The following EFCAB6 variants were observed in gnomAD, a reference collection of about 807,000 sequenced individuals.
EFCAB6 encodes EF-hand calcium binding domain 6.
In EFCAB6, 156 loss-of-function variants were observed where a neutral mutation model predicts 169.8. The observed-to-expected ratio is 0.92, with a 90% CI of 0.81 to 1.05. EFCAB6 has a LOEUF of 1.05. EFCAB6 is among the 50% of genes least tolerant of loss of function. The probability of loss-of-function intolerance (pLI) is 0.00; values close to 1 mark genes in which losing one functional copy is unlikely to be tolerated. For missense variants in EFCAB6, 1,800 were observed against 1,829.1 expected (o/e 0.98, Z 0.29); for synonymous variants, 698 against 676.4 (o/e 1.03, Z -0.50).
chr22:43,593,590 C>T (rs1376593858), intron 23 of EFCAB6, among the ~76,000 whole-genome samples: 15 of 152,208 alleles, frequency 9.9e-5, no homozygotes, highest in Admixed American at 9.8e-4. Flanking sequence ...CAATTCTCTG[C>T]TTTCAGGCTT....
chr22:43,566,170 G>C (rs2147166753), intron 26 of EFCAB6, among the ~76,000 whole-genome samples: 1 of 152,324 alleles, frequency 6.6e-6, no homozygotes, highest in African/African-American at 2.4e-5. Flanking sequence ...GGTGCATCAG[G>C]AGGTCAGGCC....
chr22:43,662,276 C>G (rs983516189), intron 17 of EFCAB6, among the ~76,000 whole-genome samples: 2 of 151,972 alleles, frequency 1.3e-5, no homozygotes, highest in Non-Finnish European at 2.9e-5. Context: ...AGCAACAATG[C>G]AGGGACTTGG....
chr22:43,737,237 T>A (rs1047472415), intron 6 of EFCAB6, among the ~76,000 whole-genome samples: 4 of 151,984 alleles, frequency 2.6e-5, no homozygotes, highest in African/African-American at 9.7e-5. Context: ...TGCGTGGTAA[T>A]CCCTCTTTAC....
chr22:43,719,154 T>C (rs1051760847), intron 8 of EFCAB6, among the ~76,000 whole-genome samples: 1 of 152,238 alleles, frequency 6.6e-6, no homozygotes, highest in African/African-American at 2.4e-5. Context: ...ACACGCCCTG[T>C]GGCTGCTCTC....
chr22:43,770,626 C>T (rs1447187737), intron 4 of EFCAB6, among the ~76,000 whole-genome samples: 2 of 152,064 alleles, frequency 1.3e-5, no homozygotes, highest in Non-Finnish European at 2.9e-5. Context: ...ATGGGGCTAA[C>T]AGCAGAATGA....
At chr22:43,695,967 G>T (rs1000736496) in intron 10 of EFCAB6, among the ~76,000 whole-genome samples, 2 of 152,000 alleles carry the variant, frequency 1.3e-5, no homozygotes, top group Non-Finnish European at 2.9e-5. Flanking sequence ...TAAATGGACT[G>T]TCTCAAAATT....
chr22:43,568,324 T>C (rs1309374945), intron 26 of EFCAB6, among the ~76,000 whole-genome samples: 1 of 152,212 alleles, frequency 6.6e-6, no homozygotes, highest in Admixed American at 6.5e-5. Flanking sequence ...ACATCTGTAT[T>C]TTGGATTTTC....
intron 5 of EFCAB6, among the ~76,000 whole-genome samples, chr22:43,762,489 A>G (rs952997693): frequency 6.6e-6 from 1 of 152,200 alleles, no homozygotes; most frequent in Non-Finnish European, 1.5e-5. Context: ...CCAGCTCAGT[A>G]ATGTATTAAA....
At chr22:43,707,422 G>A (rs1167839330) in intron 10 of EFCAB6, among the ~76,000 whole-genome samples, 2 of 152,234 alleles carry the variant, frequency 1.3e-5, no homozygotes, top group Middle Eastern at 3.4e-3. Flanking sequence ...CGAATTCTCA[G>A]ATTGCAATAG....
intron 23 of EFCAB6, among the ~76,000 whole-genome samples, chr22:43,597,992 G>A (rs12627753): frequency 0.086 from 13,038 of 152,116 alleles, 794 homozygotes; most frequent in South Asian, 0.2. Flanking sequence ...AATATCACAC[G>A]TTCTCATTCA....
intron 7 of EFCAB6, among the ~76,000 whole-genome samples, chr22:43,732,097 A>G (rs1167400975): frequency 6.6e-6 from 1 of 152,222 alleles, no homozygotes; most frequent in East Asian, 1.9e-4. Flanking sequence ...ACAGCACCTA[A>G]GGAGTTTCTC....
chr22:43,784,321 G>A (rs1040678398), intron 2 of EFCAB6, among the ~76,000 whole-genome samples: 3 of 151,624 alleles, frequency 2.0e-5, no homozygotes, highest in African/African-American at 4.8e-5. Context: ...TGTGTTGCCA[G>A]CAGACTTACT....
intron 8 of EFCAB6, among the ~76,000 whole-genome samples, chr22:43,727,010 A>C (rs541907217): frequency 1.3e-5 from 2 of 152,274 alleles, no homozygotes; most frequent in East Asian, 1.9e-4. Context: ...TGTGATTCAC[A>C]TTCAAGAAGA....
rs560993413 is a variant in EFCAB6 at position 43,647,654 on chromosome 22, G to A, written c.1984-12438C>T. 6.6e-5 allele frequency among the ~76,000 whole-genome samples: 10 copies of A among 152,346 alleles called. No homozygotes were observed. In the South Asian group the frequency reaches 1.9e-3, roughly 28 times the overall value. On this transcript the variant is annotated intron_variant, in intron 17 of 31. Coordinates refer to ENST00000262726, the MANE Select transcript of EFCAB6 (RefSeq NM_022785.4). ...ATCAAGTTAAGATGAAGTCGTGCTG[G>A]ATGAGAGTAGTACCTCACCCAATGA...
intron 17 of EFCAB6, 24 bp from the exon 18 acceptor site, chr22:43,635,240 T>C (rs764934765): frequency 4.4e-6 from 7 of 1,578,936 alleles, no homozygotes; most frequent in Non-Finnish European, 6.1e-6. Context: ...CAGGGGAGGG[T>C]GGAGAGGCGT....
intron 4 of EFCAB6, among the ~76,000 whole-genome samples, chr22:43,769,626 C>A (rs2061409248): frequency 6.6e-6 from 1 of 152,030 alleles, no homozygotes; most frequent in Non-Finnish European, 1.5e-5. Flanking sequence ...GAGAAAAGTT[C>A]TGTCTTCCTC....
Position 43,608,501 on chromosome 22 carries a change from A to T in EFCAB6, c.2662T>A (p.Phe888Ile). The change falls in exon 22 of 32, where the codon TTT (phenylalanine) becomes ATT (isoleucine). Residue 888 changes from phenylalanine (F) to isoleucine (I), a missense_variant. By Grantham distance (21) the Phe-to-Ile change is conservative. Transcript: ENST00000262726. The part of the protein sequence containing the change: ...GFDIPLTPRE[F>I]EKLWARYDTE... ...ACTTACCTTGCCCAAAGCTTTTCAA[A>T]CTCTCTTGGTGTGAGGGGAATATCA... The T allele has an allele frequency of 3.7e-6, 6 of 1,613,584 alleles. No homozygotes were observed. The highest frequency in any genetic ancestry group is 5.1e-6 in the Non-Finnish European group (6 of 1,179,864).
At chr22:43,677,963 GA>G (rs1569367828) in intron 13 of EFCAB6, 32 bp downstream of exon 13, 2 of 1,589,566 alleles carry the variant, frequency 1.3e-6, no homozygotes, top group Non-Finnish European at 8.6e-7. Flanking sequence ...AACATAAAGA[GA>G]AAACCAAACA....
In EFCAB6 at chr22:43,589,320, A is replaced by AAAAAAAAG. The variant is rs1569207678; in HGVS notation, c.3032+753_3032+754insCTTTTTTT. ...AAAAAAAAAAAAAAAAAAAAAAAAA[A>AAAAAAAAG]AGAAGTACAGGTACATTCACTATCA... On this transcript the variant is annotated intron_variant, in intron 24 of 31. Transcript: ENST00000262726. Among the ~76,000 whole-genome samples the AAAAAAAAG allele has an allele frequency of 1.2e-3, 72 of 59,832 alleles. 10 individuals carry two copies. Among genetic ancestry groups the AAAAAAAAG allele is most frequent in the East Asian group, 3.4e-3 (3 of 872 alleles). 39.3% of individuals were successfully genotyped at this position (59,832 alleles called of 152,430 possible). A position where few individuals can be genotyped will look rare whatever the true frequency, so the allele number is the denominator to read the frequency against.
Sources: allele counts gnomAD v4.1 joint callset (sites outside exome capture counted in the v4.1 genomes callset), GRCh38; gene constraint gnomAD v4.1.1; transcripts MANE v1.5; gene names NCBI Gene and HGNC (gene_info 2026-07-23, HGNC 2026-07-21).